The following AMBRA1 variants were observed in gnomAD, a reference collection of about 807,000 sequenced individuals.
The protein encoded by AMBRA1 is autophagy and beclin 1 regulator 1.
Under a neutral mutation model 125.4 loss-of-function variants are expected in AMBRA1, and 47 were observed. The ratio of observed to expected loss-of-function variants is 0.37; its 90% CI spans 0.30 to 0.48. The LOEUF is 0.48. AMBRA1 is among the 20% of genes least tolerant of loss of function. AMBRA1 has a pLI of 0.99. For synonymous variants in AMBRA1, 626 were observed against 655.5 expected, an observed-to-expected ratio of 0.95 and a Z score of 0.69; for missense variants, 1,331 against 1,693.4, an observed-to-expected ratio of 0.79 and a Z score of 3.76.
At chr11:46,524,529 C>G (rs1212103106) in intron 7 of AMBRA1, among the ~76,000 whole-genome samples, 1 of 152,224 alleles carries the variant, frequency 6.6e-6, no homozygotes, top group Non-Finnish European at 1.5e-5. Context: ...TAGAATCAGA[C>G]AGACTGCAGT....
intron 11 of AMBRA1, among the ~76,000 whole-genome samples, chr11:46,479,255 A>G (rs1949958133): frequency 6.6e-6 from 1 of 152,132 alleles, no homozygotes; most frequent in Non-Finnish European, 1.5e-5. Context: ...AGGCTACCTC[A>G]GATTTCAAAG....
intron 9 of AMBRA1, among the ~76,000 whole-genome samples, chr11:46,503,562 T>C (rs114121345): frequency 6.6e-6 from 1 of 152,160 alleles, no homozygotes; most frequent in Non-Finnish European, 1.5e-5. Flanking sequence ...AACTGCTCAA[T>C]GTCGGGTTGC....
At chr11:46,573,663 C>CTTTTTTTTTTT in intron 1 of AMBRA1, among the ~76,000 whole-genome samples, 1 of 138,674 alleles carries the variant, frequency 7.2e-6, no homozygotes. Flanking sequence ...AATCCTTTTT[C>CTTTTTTTTTTT]TTTTTTTTTT....
chr11:46,589,532 C>A (rs956947998), intron 1 of AMBRA1, among the ~76,000 whole-genome samples: 1 of 152,186 alleles, frequency 6.6e-6, no homozygotes, highest in Non-Finnish European at 1.5e-5. Flanking sequence ...TGAGGCATAT[C>A]TTAGAAAAAG....
At chr11:46,550,902 C>T (rs1727041188) in intron 1 of AMBRA1, among the ~76,000 whole-genome samples, 1 of 141,974 alleles carries the variant, frequency 7.0e-6, no homozygotes, top group Admixed American at 7.3e-5. Flanking sequence ...CTGGCTAACA[C>T]AGTGAAACCG....
At chr11:46,477,940 A>T (rs555248134) in intron 11 of AMBRA1, among the ~76,000 whole-genome samples, 1 of 151,934 alleles carries the variant, frequency 6.6e-6, no homozygotes, top group East Asian at 1.9e-4. Context: ...GCCAGAGCTA[A>T]TTTTTGTATT....
intron 12 of AMBRA1, among the ~76,000 whole-genome samples, chr11:46,439,529 A>T (rs1293936701): frequency 1.3e-5 from 2 of 152,200 alleles, no homozygotes; most frequent in Non-Finnish European, 2.9e-5. Context: ...TTTGGGACTA[A>T]ATTTCCTAGT....
At chr11:46,442,139 T>A (rs1210187502) in intron 12 of AMBRA1, among the ~76,000 whole-genome samples, 2 of 150,936 alleles carry the variant, frequency 1.3e-5, no homozygotes, top group Non-Finnish European at 3.0e-5. Context: ...CTCAATTAAT[T>A]GTGTGTTTTT....
intron 1 of AMBRA1, among the ~76,000 whole-genome samples, chr11:46,551,918 C>T (rs1165605487): frequency 1.3e-5 from 2 of 151,782 alleles, no homozygotes; most frequent in Admixed American, 6.6e-5. Flanking sequence ...ATCCCAGCTA[C>T]TTGGGAGGCT....
At chr11:46,556,232 A>G (rs2043152788) in intron 1 of AMBRA1, among the ~76,000 whole-genome samples, 2 of 152,182 alleles carry the variant, frequency 1.3e-5, no homozygotes, top group African/African-American at 4.8e-5. Context: ...CCATTTCAGG[A>G]TACTTCAAGT....
rs1952809551 is a variant in AMBRA1, at chr11:46,542,785, G to A, written c.1232C>T (p.Ala411Val). The A allele has an allele frequency of 7.4e-6, 12 of 1,614,114 alleles. No homozygotes were observed. The highest frequency in any genetic ancestry group is 1.0e-5 in the Non-Finnish European group (12 of 1,180,016). The change falls in exon 7 of 18, where the codon GCT (alanine) becomes GTT (valine). Residue 411 changes from alanine to valine, a missense_variant. Physicochemically the swap from Ala to Val is moderately conservative, Grantham distance 64 (BLOSUM62 0). Around this residue, in one of 4 missense-constraint regions of AMBRA1, gnomAD observed 689 missense variants for 776.5 expected, o/e 0.89. Transcript: ENST00000683756. This position sits in a 1 kb window ranked among gnomAD's most constrained non-coding sequence, Gnocchi z 5.9. ...CCACTCAGATCCTGTCAACCCAGGA[G>A]CTATTTCTCGGTGATACCTAGAAGG... is the stretch of plus-strand genomic sequence containing the variant. ...SHPSRYHREI[A>V]PGLTGSEWTR...
intron 11 of AMBRA1, among the ~76,000 whole-genome samples, chr11:46,462,755 C>G (rs903598818): frequency 3.9e-5 from 6 of 151,936 alleles, no homozygotes; most frequent in African/African-American, 1.4e-4. Flanking sequence ...AATTCACCCC[C>G]CTCCTTTTTT....
chr11:46,492,906 G>C (rs1002641532), intron 11 of AMBRA1, among the ~76,000 whole-genome samples: 2 of 152,140 alleles, frequency 1.3e-5, no homozygotes, highest in African/African-American at 4.8e-5. Context: ...AAAATTAGCT[G>C]GGCGTGGTGG....
At chr11:46,541,485 G>A (rs1446524639) in intron 7 of AMBRA1, among the ~76,000 whole-genome samples, 1 of 152,118 alleles carries the variant, frequency 6.6e-6, no homozygotes, top group Admixed American at 6.5e-5. Flanking sequence ...GGATTAGGAA[G>A]TGAACTCAGT....
chr11:46,550,307 T>A (rs1412836660), intron 1 of AMBRA1, among the ~76,000 whole-genome samples: 1 of 152,244 alleles, frequency 6.6e-6, no homozygotes. Flanking sequence ...TCACAGTTGA[T>A]GTGCCTATAT....
rs965470656 is a variant in AMBRA1 at position 46,542,929 on chromosome 11, C to A, written c.1088G>T (p.Gly363Val). 6.2e-7 allele frequency: 1 copy of A among 1,610,628 alleles called. No homozygotes were observed. The highest frequency in any genetic ancestry group is 2.2e-5 in the East Asian group (1 of 44,876). ...EQASSTQQDQ[G>V]LLNRPSAFST... ...GAAGGCAGACGGCCGGTTCAGGAGGCCCTGGTCCTGCTGCGTTGACGAGGC... is the reference window on the plus strand; with the variant it reads ...GAAGGCAGACGGCCGGTTCAGGAGGACCTGGTCCTGCTGCGTTGACGAGGC... The change falls in exon 7 of 18, where the codon GGC becomes GTC. Residue 363 changes from glycine to valine, a missense_variant. This residue lies in a region of AMBRA1 where 689 missense variants were observed against 776.5 expected (regional missense o/e 0.89). Transcript: ENST00000683756. The surrounding 1 kb of genome is among the most constrained non-coding windows in gnomAD (Gnocchi z 5.9).
intron 1 of AMBRA1, among the ~76,000 whole-genome samples, chr11:46,567,411 G>A (rs1424456231): frequency 6.6e-6 from 1 of 151,326 alleles, no homozygotes; most frequent in East Asian, 2.0e-4. Context: ...CTGTCTCCCA[G>A]GTGGGAGTGC....
chr11:46,406,410 C>G (rs1308285673), intron 17 of AMBRA1, among the ~76,000 whole-genome samples: 1 of 144,180 alleles, frequency 6.9e-6, no homozygotes, highest in Non-Finnish European at 1.5e-5. Flanking sequence ...GGTGTGGTGG[C>G]TCACACCTGT....
chr11:46,591,088 TAATAA>T (rs1453054614), intron 1 of AMBRA1: 1 of 152,182 alleles, frequency 6.6e-6, no homozygotes, highest in Non-Finnish European at 1.5e-5. Context: ...TGCAGAAACA[TAATAA>T]AATATTCCTA....
Sources: gnomAD v4.1 joint callset for allele counts (sites outside exome capture counted in the v4.1 genomes callset) on GRCh38, gnomAD v4.1.1 for gene constraint, gnomAD v4.1.1 regional missense constraint, Gnocchi (gnomAD v3.1) non-coding constraint, MANE v1.5 for transcripts, NCBI Gene and HGNC (gene_info 2026-07-23, HGNC 2026-07-21) for gene names.